The following PIWIL3 variants were observed in gnomAD, a reference collection of about 807,000 sequenced individuals.
PIWIL3 encodes the protein piwi like RNA-mediated gene silencing 3, also known as piwi-like protein 3.
A neutral mutation model predicts 109.7 loss-of-function variants in PIWIL3; 101 were observed. The ratio of observed to expected loss-of-function variants is 0.92; its 90% CI spans 0.78 to 1.09. The LOEUF is 1.09. PIWIL3 is among the 50% of genes least tolerant of loss of function. The pLI is 0.00. For missense variants in PIWIL3, 1,031 were observed against 1,072.6 expected, an observed-to-expected ratio of 0.96 and a Z score of 0.54; for synonymous variants, 373 against 376.4, an observed-to-expected ratio of 0.99 and a Z score of 0.10.
At chr22:24,773,605 G>A (rs1326460420) in intron 1 of PIWIL3, among the ~76,000 whole-genome samples, 2 of 151,648 alleles carry the variant, frequency 1.3e-5, no homozygotes, top group East Asian at 1.9e-4. Flanking sequence ...CATCACGTCA[G>A]TTTTAAGGAT....
At chr22:24,743,802 C>G (rs1488085856) in intron 12 of PIWIL3, among the ~76,000 whole-genome samples, 1 of 151,884 alleles carries the variant, frequency 6.6e-6, no homozygotes, top group Non-Finnish European at 1.5e-5. Flanking sequence ...CCACAAAAAC[C>G]TATTGAAATA....
chr22:24,748,509 G>T (rs577675990), intron 12 of PIWIL3, among the ~76,000 whole-genome samples: 1 of 152,164 alleles, frequency 6.6e-6, no homozygotes, highest in Non-Finnish European at 1.5e-5. Flanking sequence ...CTGCATGCCT[G>T]TATCAAAATA....
chr22:24,742,741 CAT>C (rs1404104877), intron 12 of PIWIL3, among the ~76,000 whole-genome samples: 1 of 152,134 alleles, frequency 6.6e-6, no homozygotes, highest in African/African-American at 2.4e-5. Flanking sequence ...CTTATACAAA[CAT>C]CAACTCAAGA....
At chr22:24,746,164 G>C (rs190386380) in intron 12 of PIWIL3, among the ~76,000 whole-genome samples, 1 of 152,102 alleles carries the variant, frequency 6.6e-6, no homozygotes, top group East Asian at 1.9e-4. Context: ...TATCTCCAAT[G>C]AACACTGATA....
Position 24,735,824 on chromosome 22 carries a change from T to C in PIWIL3, c.1518A>G (p.Pro506=), listed in dbSNP as rs758700239. Residue 506 remains proline, a synonymous_variant, in exon 13 of 21, where the codon CCA becomes CCG. Transcript: ENST00000616349. ...TATAGAGTATGAGCCAACTATGTAG[T>C]GGCATTGCATTAAGTAAGGGTAATT... ...IRELPLLNAM[P]LHSWLILYSR... The C allele has an allele frequency of 3.7e-6, 6 of 1,613,770 alleles. No individual in the cohort carries two copies. Among genetic ancestry groups the C allele is most frequent in the Non-Finnish European group, 4.2e-6 (5 of 1,179,740 alleles).
chr22:24,765,272 T>C (rs935463075), intron 1 of PIWIL3, among the ~76,000 whole-genome samples: 2 of 152,142 alleles, frequency 1.3e-5, no homozygotes, highest in Non-Finnish European at 1.5e-5. Flanking sequence ...TGTATTTTAA[T>C]ATAAATAAAT....
Position 24,719,432 on chromosome 22 carries a change from C to A in PIWIL3, c.*40G>T. The stretch of plus-strand genomic sequence containing the variant: ...GCTTCAAAAGGAAGACAGGCTTACA[C>A]GTTGTGGTTTCATTAGCACATCAGG... On this transcript the variant is annotated 3_prime_UTR_variant, in exon 21 of 21. Transcript: ENST00000616349. 2.1e-6 allele frequency: 3 copies of A among 1,403,004 alleles called. No individual in the cohort carries two copies. Among genetic ancestry groups the A allele is most frequent in the Non-Finnish European group, 2.9e-6 (3 of 1,027,364 alleles). The allele number at this position is 1,403,004 out of a possible 1,614,324, so 86.9% of individuals were successfully genotyped here.
chr22:24,719,992 C>A (rs5760605), intron 19 of PIWIL3, 97 bp from the exon 20 acceptor site: 2 of 1,042,374 alleles, frequency 1.9e-6, no homozygotes, highest in African/African-American at 1.6e-5. Context: ...TAATTGCTTA[C>A]AAAAATCTAT....
At chr22:24,768,402 C>T (rs1473091707) in intron 1 of PIWIL3, among the ~76,000 whole-genome samples, 1 of 151,990 alleles carries the variant, frequency 6.6e-6, no homozygotes, top group Non-Finnish European at 1.5e-5. Flanking sequence ...TTACAGAGGA[C>T]ACCACCATGC....
At chr22:24,773,436 G>A (rs940202237) in intron 1 of PIWIL3, among the ~76,000 whole-genome samples, 3 of 152,164 alleles carry the variant, frequency 2.0e-5, no homozygotes, top group African/African-American at 4.8e-5. Flanking sequence ...GGGAGAAGGT[G>A]TATTGAGCTT....
rs940906999 is a variant in PIWIL3, at chr22:24,724,542, C to T, written c.2231+345G>A. ...CTCTGCCTCCCGGGTTCAAGTGATT[C>T]TCCTGCCTCAGCCTCCCGAGTAGCT... On this transcript the variant is annotated intron_variant, in intron 18 of 20. Transcript: ENST00000616349. 2.6e-5 allele frequency among the ~76,000 whole-genome samples: 4 copies of T among 151,588 alleles called. No individual in the cohort carries two copies. In the East Asian group the frequency reaches 5.8e-4, roughly 22 times the overall value.
At chr22:24,737,799 G>T (rs1337830187) in intron 12 of PIWIL3, among the ~76,000 whole-genome samples, 2 of 152,140 alleles carry the variant, frequency 1.3e-5, no homozygotes, top group African/African-American at 4.8e-5. Context: ...AACAGTGGTA[G>T]TAGCCTAGCA....
chr22:24,766,915 AG>A (rs1925828721), intron 1 of PIWIL3, among the ~76,000 whole-genome samples: 1 of 151,378 alleles, frequency 6.6e-6, no homozygotes, highest in African/African-American at 2.4e-5. Flanking sequence ...GGATTGCTTG[AG>A]CCCAGTAGTT....
chr22:24,726,903 G>A (rs942907112), intron 16 of PIWIL3, among the ~76,000 whole-genome samples: 1 of 152,198 alleles, frequency 6.6e-6, no homozygotes, highest in Non-Finnish European at 1.5e-5. Context: ...ATCAAGTAAT[G>A]TGCAAAGAGG....
At chr22:24,750,608 C>T (rs930733890) in intron 9 of PIWIL3, among the ~76,000 whole-genome samples, 1 of 149,818 alleles carries the variant, frequency 6.7e-6, no homozygotes, top group African/African-American at 2.4e-5. Flanking sequence ...CCTGCTTCAG[C>T]CTCCTGAGTA....
intron 12 of PIWIL3, among the ~76,000 whole-genome samples, chr22:24,740,526 CA>C: frequency 7.9e-6 from 1 of 126,542 alleles, no homozygotes; most frequent in East Asian, 2.7e-4. Context: ...CCATCCTGGG[CA>C]ACAGAGCAAG....
intron 2 of PIWIL3, chr22:24,761,826 G>T: frequency 6.6e-6 from 3 of 453,734 alleles, no homozygotes; most frequent in Non-Finnish European, 8.7e-6. Flanking sequence ...AATTGAGGTT[G>T]GAGGGCTTAG....
intron 1 of PIWIL3, among the ~76,000 whole-genome samples, chr22:24,773,507 A>T (rs563510723): frequency 9.3e-4 from 142 of 152,264 alleles, no homozygotes; most frequent in African/African-American, 3.2e-3. Context: ...CACCATCTGC[A>T]TCATCCCCAT....
intron 12 of PIWIL3, among the ~76,000 whole-genome samples, chr22:24,737,278 G>A (rs1050700599): frequency 1.6e-4 from 25 of 152,178 alleles, no homozygotes; most frequent in Non-Finnish European, 2.8e-4. Context: ...CAACAGTCAC[G>A]GTTGTGAGGC....
Sources: gnomAD v4.1 joint callset for allele counts (sites outside exome capture counted in the v4.1 genomes callset) on GRCh38, gnomAD v4.1.1 for gene constraint, MANE v1.5 for transcripts, NCBI Gene and HGNC (gene_info 2026-07-23, HGNC 2026-07-21) for gene names.